Variants in ARL14EP observed in about 807,000 individuals in gnomAD.
The protein encoded by ARL14EP is ARF like GTPase 14 effector protein.
A neutral mutation model predicts 23.1 loss-of-function variants in ARL14EP; 12 were observed. That is an observed-to-expected ratio of 0.52 (90% CI 0.33 to 0.84). The LOEUF is 0.84. Ranked by LOEUF, ARL14EP falls within the 40% of genes least tolerant of loss-of-function variation. The pLI is 0.02. For synonymous variants in ARL14EP, 97 were observed against 102.0 expected (o/e 0.95, Z 0.29); for missense variants, 253 against 307.3 (o/e 0.82, Z 1.32).
At position 30,336,605 on chromosome 11, in the gene ARL14EP, A is replaced by G; in HGVS notation, c.593A>G (p.Gln198Arg). The change falls in exon 4 of 4, where the codon CAG becomes CGG. Residue 198 changes from glutamine (Q) to arginine (R), a missense_variant. Transcript: ENST00000282032. ...IPAKSKVYDS[Q>R]GLLIFSGMDL... ...GCAAAGAGTAAGGTCTATGATAGCC[A>G]GGGTCTCCTGATTTTTAGTGGGATG... 2 of 1,614,092 alleles carry G rather than the reference A, an allele frequency of 1.2e-6. No individual in the cohort carries two copies. Among genetic ancestry groups the G allele is most frequent in the Non-Finnish European group, 1.7e-6 (2 of 1,179,998 alleles).
At chr11:30,328,180 T>C (rs1947255626) in intron 1 of ARL14EP, 1 of 151,920 alleles carries the variant, frequency 6.6e-6, no homozygotes, top group African/African-American at 2.4e-5. Flanking sequence ...AGTCTCGCTT[T>C]GTCGCCCGGG....
At chr11:30,335,676 C>A (rs1947325471) in intron 3 of ARL14EP, among the ~76,000 whole-genome samples, 1 of 151,948 alleles carries the variant, frequency 6.6e-6, no homozygotes. Flanking sequence ...AAGGTACATA[C>A]ATTTTTTTCT....
chr11:30,323,793 C>G (rs746213084), intron 1 of ARL14EP, among the ~76,000 whole-genome samples: 3 of 152,122 alleles, frequency 2.0e-5, no homozygotes, highest in African/African-American at 7.2e-5. Flanking sequence ...GGCATGATAA[C>G]AACAGCTCTA....
chr11:30,329,751 G>A (rs1212208918), intron 1 of ARL14EP: 2 of 152,004 alleles, frequency 1.3e-5, no homozygotes, highest in Admixed American at 6.6e-5. Flanking sequence ...TATTTGTTTA[G>A]TTTTCCAGTG....
intron 3 of ARL14EP, among the ~76,000 whole-genome samples, chr11:30,335,057 T>C (rs1772166468): frequency 6.6e-6 from 1 of 152,196 alleles, no homozygotes; most frequent in Non-Finnish European, 1.5e-5. Context: ...TTGAACACCT[T>C]CTGGAAAGGA....
intron 3 of ARL14EP, among the ~76,000 whole-genome samples, chr11:30,335,951 G>C (rs753961146): frequency 3.3e-5 from 5 of 152,044 alleles, no homozygotes; most frequent in Non-Finnish European, 7.4e-5. Flanking sequence ...GTCTGAAATA[G>C]AAATGCAGTT....
chr11:30,334,669 C>T (rs187303877), intron 3 of ARL14EP, among the ~76,000 whole-genome samples: 73 of 152,262 alleles, frequency 4.8e-4, no homozygotes, highest in Admixed American at 2.0e-3. Context: ...TTTACCTCTT[C>T]GAAATCCTAG....
At position 30,336,601 on chromosome 11, in the gene ARL14EP, A is replaced by G. The variant is rs776475915; in HGVS notation, c.589A>G (p.Ser197Gly). The G allele has an allele frequency of 2.5e-6, 4 of 1,613,942 alleles. No homozygotes were observed. Among genetic ancestry groups the G allele is most frequent in the African/African-American group, 2.7e-5 (2 of 74,916 alleles). Reference sequence around the variant, plus strand: ...ACCAGCAAAGAGTAAGGTCTATGATAGCCAGGGTCTCCTGATTTTTAGTGG... The same window carrying G: ...ACCAGCAAAGAGTAAGGTCTATGATGGCCAGGGTCTCCTGATTTTTAGTGG... ...VIPAKSKVYD[S>G]QGLLIFSGMD... The change falls in exon 4 of 4, where the codon AGC becomes GGC. Residue 197 changes from serine to glycine, a missense_variant. By Grantham distance (56) the Ser-to-Gly change is moderately conservative (BLOSUM62 0). Transcript: ENST00000282032.
chr11:30,337,828 A>G lies in ARL14EP; in HGVS notation c.*1033A>G, dbSNP rs1441215569. On this transcript the variant is annotated 3_prime_UTR_variant, in exon 4 of 4. Transcript: ENST00000282032. ...AGAAAAAAAGGCAAGCCCTATTCAA[A>G]CTACTTTGTTTTTACAATGAAATAA... 6.6e-6 allele frequency: 1 copy of G among 152,182 alleles called. No individual in the cohort carries two copies. Among genetic ancestry groups the G allele is most frequent in the African/African-American group, 2.4e-5 (1 of 41,434 alleles). The allele number at this position is 152,182 out of a possible 1,614,324, so 9.4% of individuals were successfully genotyped here.
chr11:30,337,209 C>T lies in ARL14EP; in HGVS notation c.*414C>T, dbSNP rs2133656788. 1 of 217,066 alleles carries T rather than the reference C, an allele frequency of 4.6e-6. No individual in the cohort carries two copies. The highest frequency in any genetic ancestry group is 9.3e-6 in the Non-Finnish European group (1 of 107,660). 13.4% of individuals were successfully genotyped at this position (217,066 alleles called of 1,614,324 possible). ...GAGTAATTACATGAAGTACAAACCT[C>T]TCTGCTAGCTCTTCAGTCTACAAAT... On this transcript the variant is annotated 3_prime_UTR_variant, in exon 4 of 4. Coordinates refer to ENST00000282032, the MANE Select transcript of ARL14EP (RefSeq NM_152316.3).
chr11:30,329,059 G>A (rs1485046571), intron 1 of ARL14EP: 1 of 152,002 alleles, frequency 6.6e-6, no homozygotes, highest in Non-Finnish European at 1.5e-5. Context: ...CTTATTTTCT[G>A]TAAATCTTTT....
chr11:30,335,655 A>G (rs1947324898), intron 3 of ARL14EP, among the ~76,000 whole-genome samples: 1 of 152,180 alleles, frequency 6.6e-6, no homozygotes, highest in Non-Finnish European at 1.5e-5. Context: ...GCAATAGAGC[A>G]TTTTTAAATT....
At chr11:30,332,533 G>A (rs1947294029) in intron 2 of ARL14EP, among the ~76,000 whole-genome samples, 1 of 152,080 alleles carries the variant, frequency 6.6e-6, no homozygotes, top group Non-Finnish European at 1.5e-5. Flanking sequence ...AATCAGTTAT[G>A]TGCCACTGGA....
At position 30,326,981 on chromosome 11, in the gene ARL14EP, G is replaced by A. The variant is rs183606628; in HGVS notation, c.-64+3779G>A. On this transcript the variant is annotated intron_variant, in intron 1 of 3. Coordinates refer to ENST00000282032, the MANE Select transcript of ARL14EP (RefSeq NM_152316.3). Reference sequence around the variant, plus strand: ...AGCTGATCCTGTAAAGAAGTAATTCGTTGTCTGAAATTCAAATCTAACAGG... The same window carrying A: ...AGCTGATCCTGTAAAGAAGTAATTCATTGTCTGAAATTCAAATCTAACAGG... Among the ~76,000 whole-genome samples, 8 of 152,270 alleles carry A rather than the reference G, an allele frequency of 5.3e-5. No individual in the cohort carries two copies. In the East Asian group the frequency reaches 1.3e-3, roughly 26 times the overall value.
chr11:30,331,343 A>G lies in ARL14EP; in HGVS notation c.395A>G (p.Glu132Gly), dbSNP rs200876412. 1 of 1,613,990 alleles carries G rather than the reference A, an allele frequency of 6.2e-7. No individual in the cohort carries two copies. ...IINGSVDVDT[E>G]DRQKRKPESD... The stretch of plus-strand genomic sequence containing the variant: ...AATGGAAGTGTGGATGTTGATACTG[A>G]AGACCGCCAGAAAAGGAAACCTGAG... The change falls in exon 2 of 4, where the codon GAA (glutamate) becomes GGA (glycine). Residue 132 changes from glutamate (E) to glycine (G), a missense_variant. Transcript: ENST00000282032.
intron 1 of ARL14EP, chr11:30,328,663 C>T (rs1356687756): frequency 1.3e-5 from 2 of 152,102 alleles, no homozygotes; most frequent in Admixed American, 1.3e-4. Flanking sequence ...TGACCTAAAA[C>T]ACAGACATTT....
intron 3 of ARL14EP, among the ~76,000 whole-genome samples, chr11:30,334,017 A>G (rs963439720): frequency 6.6e-6 from 1 of 152,150 alleles, no homozygotes; most frequent in African/African-American, 2.4e-5. Flanking sequence ...GCAAGGTTCT[A>G]ACCCTCTTCA....
chr11:30,334,311 G>A (rs961347874), intron 3 of ARL14EP, among the ~76,000 whole-genome samples: 2 of 146,848 alleles, frequency 1.4e-5, no homozygotes, highest in Non-Finnish European at 3.0e-5. Flanking sequence ...CACCTGCTGC[G>A]TTCAAGCGAT....
intron 2 of ARL14EP, among the ~76,000 whole-genome samples, chr11:30,332,508 C>A (rs555026446): frequency 6.6e-6 from 1 of 151,948 alleles, no homozygotes; most frequent in East Asian, 1.9e-4. Context: ...TAATAAGGAC[C>A]CAGGATTGTT....
Sources: gnomAD v4.1 joint callset for allele counts (sites outside exome capture counted in the v4.1 genomes callset) on GRCh38, gnomAD v4.1.1 for gene constraint, MANE v1.5 for transcripts, NCBI Gene and HGNC (gene_info 2026-07-23, HGNC 2026-07-21) for gene names.